Variants in PCDHA10 observed in about 807,000 individuals in gnomAD.
PCDHA10 encodes protocadherin alpha 10.
PCDHA10 carries 45 observed loss-of-function variants against 61.2 expected under a neutral mutation model. The observed-to-expected ratio is 0.74, with a 90% CI of 0.58 to 0.94. The LOEUF (loss-of-function observed/expected upper bound fraction) is 0.94. Ranked by LOEUF, PCDHA10 falls within the 40% of genes least tolerant of loss-of-function variation. The pLI, the probability that PCDHA10 is intolerant of heterozygous loss-of-function variation, is 0.00. For synonymous variants in PCDHA10, 602 were observed against 548.8 expected, an observed-to-expected ratio of 1.10 and a Z score of -1.35; for missense variants, 1,278 against 1,236.2, an observed-to-expected ratio of 1.03 and a Z score of -0.51.
chr5:140,925,395 GCCT>G (rs2082476248), intron 1 of PCDHA10, among the ~76,000 whole-genome samples: 1 of 151,998 alleles, frequency 6.6e-6, no homozygotes, highest in Non-Finnish European at 1.5e-5. Flanking sequence ...CTTTTGGCTC[GCCT>G]CCTTCTTAGG....
At chr5:140,975,017 G>A (rs1474947976) in intron 1 of PCDHA10, among the ~76,000 whole-genome samples, 1 of 152,154 alleles carries the variant, frequency 6.6e-6, no homozygotes, top group Non-Finnish European at 1.5e-5. Flanking sequence ...ACACAGCTGG[G>A]CTGTGTTGTC....
chr5:140,893,106 C>T (rs1226663436), intron 1 of PCDHA10, among the ~76,000 whole-genome samples: 3 of 152,170 alleles, frequency 2.0e-5, no homozygotes, highest in African/African-American at 4.8e-5. Flanking sequence ...GATAATATTC[C>T]GTTGTGCATA....
intron 3 of PCDHA10, among the ~76,000 whole-genome samples, chr5:140,992,705 T>C (rs1291266922): frequency 6.6e-6 from 1 of 152,188 alleles, no homozygotes; most frequent in African/African-American, 2.4e-5. Flanking sequence ...GTAATGTTCC[T>C]GCCAGTATTC....
chr5:140,958,872 G>T (rs993434831), intron 1 of PCDHA10, among the ~76,000 whole-genome samples: 1 of 151,970 alleles, frequency 6.6e-6, no homozygotes, highest in Non-Finnish European at 1.5e-5. Context: ...GTTTATAAAA[G>T]AATTGACCAG....
chr5:141,006,224 T>A (rs1265190589), intron 3 of PCDHA10, among the ~76,000 whole-genome samples: 1 of 152,072 alleles, frequency 6.6e-6, no homozygotes, highest in African/African-American at 2.4e-5. Flanking sequence ...TTAAATTTTT[T>A]ATTTTTAGAT....
Position 140,856,598 on chromosome 5 carries a change from A to C in PCDHA10, c.550A>C (p.Lys184Gln). 1 of 1,597,872 alleles carries C rather than the reference A, an allele frequency of 6.3e-7. No homozygotes were observed. The highest frequency in any genetic ancestry group is 2.2e-5 in the East Asian group (1 of 44,860). The change falls in exon 1 of 4, where the codon AAA (lysine) becomes CAA (glutamine). Residue 184 changes from lysine to glutamine, a missense_variant. Physicochemically the swap from Lys to Gln is moderately conservative, Grantham distance 53. Coordinates refer to ENST00000307360, the MANE Select transcript of PCDHA10 (RefSeq NM_018901.4). The part of the protein sequence containing the change: ...NEYFVLDIIN[K>Q]KDKDKFPVLV... Reference sequence around the variant, plus strand: ...GTATTTTGTTCTTGATATTATAAACAAAAAAGACAAAGACAAATTCCCAGT... The same window carrying C: ...GTATTTTGTTCTTGATATTATAAACCAAAAAGACAAAGACAAATTCCCAGT...
chr5:140,967,147 C>A (rs782815903), intron 1 of PCDHA10: 7 of 1,611,068 alleles, frequency 4.3e-6, no homozygotes, highest in South Asian at 2.2e-5. Flanking sequence ...TGGCGCACAA[C>A]CCCGTGGCGG....
rs10569930 is a variant in PCDHA10, at chr5:140,925,641, TATAATAATAATA to T, written c.2389-53282_2389-53271del. On this transcript the variant is annotated intron_variant, in intron 1 of 3. Coordinates refer to ENST00000307360, the MANE Select transcript of PCDHA10 (RefSeq NM_018901.4). ...TGCACATGTACCCTAGAACTTAAAG[TATAATAATAATA>T]ATAATAATAATAATAATAATAATAA... Among the ~76,000 whole-genome samples the T allele has an allele frequency of 2.0e-4, 29 of 143,352 alleles. 1 individual carries two copies. Among genetic ancestry groups the T allele is most frequent in the Admixed American group, 7.0e-4 (10 of 14,330 alleles). 94.0% of individuals were successfully genotyped at this position (143,352 alleles called of 152,430 possible). A position where few individuals can be genotyped will look rare whatever the true frequency, so the allele number is the denominator to read the frequency against.
intron 1 of PCDHA10, among the ~76,000 whole-genome samples, chr5:140,902,816 G>A (rs1447534950): frequency 6.6e-6 from 1 of 150,906 alleles, no homozygotes; most frequent in Non-Finnish European, 1.5e-5. Flanking sequence ...TACAATATTT[G>A]GTTTTCGATT....
chr5:140,938,793 A>G lies in PCDHA10; in HGVS notation c.2389-40156A>G, dbSNP rs543840345. 2.6e-5 allele frequency among the ~76,000 whole-genome samples: 4 copies of G among 152,268 alleles called. No individual in the cohort carries two copies. The East Asian group carries it at 7.7e-4, about 29-fold the overall frequency. On this transcript the variant is annotated intron_variant, in intron 1 of 3. Coordinates refer to ENST00000307360, the MANE Select transcript of PCDHA10 (RefSeq NM_018901.4). ...AGACTTAGTACCTGAATGATGAAAT[A>G]ATCGGTACCACAAACCCCTGTGACA...
Position 140,856,078 on chromosome 5 carries a change from C to T in PCDHA10, c.30C>T (p.Val10=), listed in dbSNP as rs145849392. The change falls in exon 1 of 4, where the codon GTC becomes GTT. Residue 10 remains valine (V), a synonymous_variant. Transcript: ENST00000307360. MVSRCSCLG[V]QCLLLSLLLL... is the part of the protein sequence containing the mutation. The stretch of plus-strand genomic sequence containing the variant: ...TTTCCAGATGTAGCTGCCTGGGGGT[C>T]CAGTGTCTGCTGCTCTCGCTTCTTC... 1.4e-3 allele frequency: 2,214 copies of T among 1,594,016 alleles called. 201 individuals are homozygous for T. The highest frequency in any genetic ancestry group is 4.0e-3 in the Admixed American group (234 of 58,882).
chr5:141,003,406 G>A (rs2098122557), intron 3 of PCDHA10, among the ~76,000 whole-genome samples: 1 of 152,134 alleles, frequency 6.6e-6, no homozygotes, highest in African/African-American at 2.4e-5. Flanking sequence ...CCGCCTCCCG[G>A]GTTCGAGTGA....
chr5:140,996,141 A>G (rs1238682290), intron 3 of PCDHA10, among the ~76,000 whole-genome samples: 1 of 152,182 alleles, frequency 6.6e-6, no homozygotes, highest in Admixed American at 6.5e-5. Context: ...TTCTCCCATT[A>G]TCTTGCCTTC....
At chr5:140,997,097 T>G (rs1222829529) in intron 3 of PCDHA10, among the ~76,000 whole-genome samples, 10 of 152,156 alleles carry the variant, frequency 6.6e-5, no homozygotes, top group Admixed American at 5.2e-4. Context: ...TGCAGAGTTC[T>G]CATGCACTCC....
At chr5:141,004,378 G>A (rs914260481) in intron 3 of PCDHA10, among the ~76,000 whole-genome samples, 3 of 152,198 alleles carry the variant, frequency 2.0e-5, no homozygotes, top group Admixed American at 6.5e-5. Context: ...TCTGCTCTGC[G>A]GAAGCTGGAC....
At chr5:140,882,217 A>C in intron 1 of PCDHA10, 1 of 1,542,972 alleles carries the variant, frequency 6.5e-7, no homozygotes, top group Non-Finnish European at 8.7e-7. Context: ...AGACAGTTTG[A>C]GGTAAGGCGT....
chr5:140,969,998 G>A (rs1345371434), intron 1 of PCDHA10, among the ~76,000 whole-genome samples: 2 of 152,220 alleles, frequency 1.3e-5, no homozygotes, highest in Non-Finnish European at 2.9e-5. Flanking sequence ...GGCTGTCAGA[G>A]GGAGTGGATG....
At chr5:140,870,837 G>A (rs782610375) in intron 1 of PCDHA10, 9 of 1,613,702 alleles carry the variant, frequency 5.6e-6, no homozygotes, top group African/African-American at 1.3e-5. Flanking sequence ...CAGTTAACAA[G>A]CTAGTACCGC....
At chr5:140,966,983 G>T (rs782294035) in intron 1 of PCDHA10, 1 of 1,603,778 alleles carries the variant, frequency 6.2e-7, no homozygotes, top group Non-Finnish European at 8.5e-7. Flanking sequence ...GCGGCGCTTG[G>T]GGCCGGGTTG....
Sources: allele counts gnomAD v4.1 joint callset (sites outside exome capture counted in the v4.1 genomes callset), GRCh38; gene constraint gnomAD v4.1.1; transcripts MANE v1.5; gene names NCBI Gene and HGNC (gene_info 2026-07-23, HGNC 2026-07-21).